The following RNASEH2B variants were observed in gnomAD, a reference collection of about 807,000 sequenced individuals.
The protein encoded by RNASEH2B is Aicardi-Goutieres syndrome 2 protein.
RNASEH2B carries 36 observed loss-of-function variants against 45.0 expected under a neutral mutation model. The observed-to-expected ratio is 0.80, with a 90% confidence interval of 0.61 to 1.06. The LOEUF (loss-of-function observed/expected upper bound fraction) is 1.06, where lower values mean the gene tolerates loss of function less well. RNASEH2B is among the 50% of genes least tolerant of loss of function. The pLI, the probability that RNASEH2B is intolerant of heterozygous loss-of-function variation, is 0.00. For synonymous variants in RNASEH2B, 119 were observed against 125.7 expected, an observed-to-expected ratio of 0.95 and a Z score of 0.35; for missense variants, 361 against 360.3, an observed-to-expected ratio of 1.00 and a Z score of -0.02.
intron 6 of RNASEH2B, among the ~76,000 whole-genome samples, chr13:50,945,178 T>C (rs1427590997): frequency 6.6e-6 from 1 of 152,180 alleles, no homozygotes; most frequent in Non-Finnish European, 1.5e-5. Flanking sequence ...GTTATCACAA[T>C]ATGTTGCCTT....
chr13:50,910,819 G>C (rs1209467427), intron 1 of RNASEH2B: 1 of 152,252 alleles, frequency 6.6e-6, no homozygotes, highest in South Asian at 2.1e-4. Context: ...ATTTGGCCTA[G>C]GGAGTGCAAG....
chr13:50,940,806 T>C (rs1951824394), intron 5 of RNASEH2B: 1 of 152,166 alleles, frequency 6.6e-6, no homozygotes, highest in African/African-American at 2.4e-5. Flanking sequence ...AGATAAGTCA[T>C]TAGAGACATA....
rs141772562 is a variant in RNASEH2B, at chr13:50,939,634, A to G, written c.437-3687A>G. On this transcript the variant is annotated intron_variant, in intron 5 of 10. Coordinates refer to ENST00000336617, the MANE Select transcript of RNASEH2B (RefSeq NM_024570.4). ...AAATAAACCCACACTTATATGGTCAATTGATTTTTTTTTTCCAAAAGTGTG... is the reference window on the plus strand; with the variant it reads ...AAATAAACCCACACTTATATGGTCAGTTGATTTTTTTTTTCCAAAAGTGTG... Among the ~76,000 whole-genome samples the G allele has an allele frequency of 8.6e-3, 1,313 of 152,318 alleles. 12 individuals are homozygous for G. Among genetic ancestry groups the G allele is most frequent in the East Asian group, 0.041 (215 of 5,190 alleles).
rs1340800422 is a variant in RNASEH2B at position 50,956,660 on chromosome 13, C to A, written c.*186C>A. The A allele has an allele frequency of 1.5e-6, 2 of 1,366,448 alleles. No homozygotes were observed. The highest frequency in any genetic ancestry group is 1.5e-5 in the African/African-American group (1 of 67,764). 84.6% of individuals were successfully genotyped at this position (1,366,448 alleles called of 1,614,324 possible). On this transcript the variant is annotated 3_prime_UTR_variant, in exon 11 of 11. Transcript: ENST00000336617. ...TATGGGAAAGTGTCTAACTTCATGG[C>A]TATGGCCTTTTGGAGTCTCATCTGA...
chr13:50,955,070 C>T (rs190108557), intron 10 of RNASEH2B: 1 of 152,222 alleles, frequency 6.6e-6, no homozygotes, highest in African/African-American at 2.4e-5. Flanking sequence ...ATATAGGATA[C>T]AAACTTGTTT....
intron 1 of RNASEH2B, 99 bp downstream of exon 1, chr13:50,910,239 C>G (rs1167263784): frequency 1.6e-5 from 13 of 793,634 alleles, no homozygotes; most frequent in Middle Eastern, 3.9e-4. Flanking sequence ...CTCCCACTAC[C>G]CGGCCCGGCG....
chr13:50,934,772 G>A, intron 4 of RNASEH2B, 113 bp from the exon 5 acceptor site: 1 of 744,432 alleles, frequency 1.3e-6, no homozygotes, highest in Non-Finnish European at 2.4e-6. Context: ...TGGAATAGGT[G>A]GCTTCTGCAC....
At chr13:50,945,874 A>G (rs1186034001) in intron 7 of RNASEH2B, among the ~76,000 whole-genome samples, 1 of 152,194 alleles carries the variant, frequency 6.6e-6, no homozygotes, top group Non-Finnish European at 1.5e-5. Flanking sequence ...CAACCCTCCC[A>G]GTAAATTTCA....
chr13:50,935,055 A>G, intron 5 of RNASEH2B, 56 bp downstream of exon 5: 1 of 1,124,822 alleles, frequency 8.9e-7, no homozygotes, highest in Non-Finnish European at 1.4e-6. Flanking sequence ...TTGCCTAAGA[A>G]CGTGGCTGCT....
intron 2 of RNASEH2B, among the ~76,000 whole-genome samples, chr13:50,928,196 G>GT (rs1951626878): frequency 1.3e-5 from 2 of 152,060 alleles, no homozygotes; most frequent in South Asian, 4.1e-4. Flanking sequence ...AATTTATAAG[G>GT]TTTTGTGTAG....
At chr13:50,953,830 G>T in intron 9 of RNASEH2B, 75 bp from the exon 10 acceptor site, 4 of 1,004,822 alleles carry the variant, frequency 4.0e-6, no homozygotes, top group Admixed American at 1.8e-5. Context: ...AATTATACAT[G>T]TTGGGTTTTT....
At chr13:50,919,126 C>G (rs777885229) in intron 1 of RNASEH2B, among the ~76,000 whole-genome samples, 1 of 152,124 alleles carries the variant, frequency 6.6e-6, no homozygotes, top group Non-Finnish European at 1.5e-5. Flanking sequence ...AATCACTTGT[C>G]TTGTGTCTTT....
intron 9 of RNASEH2B, 113 bp downstream of exon 9, chr13:50,949,618 T>C: frequency 1.1e-6 from 1 of 930,362 alleles, no homozygotes; most frequent in South Asian, 1.3e-5. Context: ...CCATTTTGCA[T>C]GGAGTGATGC....
intron 1 of RNASEH2B, chr13:50,910,566 G>A (rs1879314942): frequency 2.5e-5 from 4 of 158,654 alleles, no homozygotes; most frequent in African/African-American, 2.4e-5. Flanking sequence ...ACGGTGCGCA[G>A]TTTTAAGAAA....
downstream of RNASEH2B, among the ~76,000 whole-genome samples, chr13:50,961,305 T>G (rs1038799418): frequency 5.3e-5 from 8 of 152,244 alleles, no homozygotes; most frequent in African/African-American, 1.9e-4. Flanking sequence ...CTTTCATTTC[T>G]TCTATATTTA....
At chr13:50,925,890 G>C (rs545597770) in intron 1 of RNASEH2B, among the ~76,000 whole-genome samples, 2 of 152,294 alleles carry the variant, frequency 1.3e-5, no homozygotes, top group African/African-American at 4.8e-5. Context: ...TCAATTCAGT[G>C]AGTCAGCTAG....
intron 8 of RNASEH2B, 198 bp downstream of exon 8, chr13:50,948,266 G>A: frequency 1.3e-6 from 1 of 771,686 alleles, no homozygotes; most frequent in Non-Finnish European, 1.9e-6. Context: ...CGGATTGCAG[G>A]AACTAGTGAA....
At chr13:50,921,487 G>T (rs755441697) in intron 1 of RNASEH2B, among the ~76,000 whole-genome samples, 1 of 152,188 alleles carries the variant, frequency 6.6e-6, no homozygotes, top group Non-Finnish European at 1.5e-5. Flanking sequence ...GAAAAAGGGT[G>T]GAGCCTCCAA....
At chr13:50,928,084 G>A (rs1333997572) in intron 2 of RNASEH2B, among the ~76,000 whole-genome samples, 1 of 151,356 alleles carries the variant, frequency 6.6e-6, no homozygotes, top group Non-Finnish European at 1.5e-5. Flanking sequence ...TGCATTTTCA[G>A]TTTTGTCTTC....
Sources: gnomAD v4.1 joint callset for allele counts (sites outside exome capture counted in the v4.1 genomes callset) on GRCh38, gnomAD v4.1.1 for gene constraint, MANE v1.5 for transcripts, NCBI Gene and HGNC (gene_info 2026-07-23, HGNC 2026-07-21) for gene names.